The following OTOF variants were observed in gnomAD, a reference collection of about 807,000 sequenced individuals.
OTOF encodes otoferlin, also known as fer-1-like family member 2.
A neutral mutation model predicts 236.8 loss-of-function variants in OTOF; 218 were observed. The observed-to-expected ratio is 0.92, with a 90% CI of 0.82 to 1.03. OTOF has a LOEUF of 1.03. Among genes scored for constraint, OTOF ranks in the 50% least tolerant of loss-of-function variants. OTOF has a pLI of 0.00. For missense variants in OTOF, 2,590 were observed against 2,694.4 expected (o/e 0.96, Z 0.86); for synonymous variants, 1,041 against 1,072.5 (o/e 0.97, Z 0.57).
In OTOF at chr2:26,506,865, C is replaced by A. The variant is rs189581683; in HGVS notation, c.510-3020G>T. On this transcript the variant is annotated intron_variant, in intron 5 of 46. Coordinates refer to ENST00000272371, the MANE Select transcript of OTOF (RefSeq NM_194248.3). ...AATTAGCTGGGTGTGGTGGCACATG[C>A]CTGTAATCCCAGTTACTCGGGAGGC... Among the ~76,000 whole-genome samples, 83 of 152,262 alleles carry A rather than the reference C, an allele frequency of 5.5e-4. No homozygotes were observed. In the East Asian group the frequency reaches 0.014, roughly 25 times the overall value.
chr2:26,508,866 C>T (rs761858719), intron 5 of OTOF, among the ~76,000 whole-genome samples: 19 of 152,316 alleles, frequency 1.2e-4, no homozygotes, highest in Middle Eastern at 3.4e-3. Context: ...TCAATCTCTT[C>T]TTAGAAATCT....
rs746997040 is a variant in OTOF at position 26,502,422 on chromosome 2, T to C, written c.588A>G (p.Glu196=). The C allele has an allele frequency of 6.2e-7, 1 of 1,613,084 alleles. No individual in the cohort carries two copies. The highest frequency in any genetic ancestry group is 8.5e-7 in the Non-Finnish European group (1 of 1,179,762). ...SHKEEPQRPD[E]PAVLEMEDLD... is the part of the protein sequence containing the mutation. ...GGTCTTCCATCTCCAGCACCGCCGG[T>C]TCATCTGGGGAAGATGAAAGACTGG... Residue 196 remains glutamate, a synonymous_variant, in exon 7 of 47, where the codon GAA becomes GAG. Transcript: ENST00000272371.
At chr2:26,497,058 C>G (rs1168194853) in intron 8 of OTOF, among the ~76,000 whole-genome samples, 1 of 148,862 alleles carries the variant, frequency 6.7e-6, no homozygotes, top group African/African-American at 2.5e-5. Flanking sequence ...CTTTCCCCAG[C>G]TAGAATAAGC....
At chr2:26,498,417 C>T (rs1363497963) in intron 8 of OTOF, among the ~76,000 whole-genome samples, 1 of 152,154 alleles carries the variant, frequency 6.6e-6, no homozygotes, top group African/African-American at 2.4e-5. Context: ...CTGCTGCCTC[C>T]CACCCCTCCT....
At chr2:26,502,097 C>T (rs1159061112) in intron 7 of OTOF, among the ~76,000 whole-genome samples, 3 of 152,172 alleles carry the variant, frequency 2.0e-5, no homozygotes, top group Non-Finnish European at 4.4e-5. Context: ...GACCTGAGAA[C>T]AGGCCTGCAG....
Position 26,473,230 on chromosome 2 carries a change from AAGG to A in OTOF, c.3632_3634del (p.Ala1211_Phe1212delinsVal). The A allele has an allele frequency of 6.2e-7, 1 of 1,613,336 alleles. No homozygotes were observed. The highest frequency in any genetic ancestry group is 2.2e-5 in the East Asian group (1 of 44,880). Reference sequence around the variant, plus strand: ...GGAGCCCACCAGTGTGTAGCGACCGAAGGCCCGGCAGTCCACCACACGGATGTT... The same window carrying A: ...GGAGCCCACCAGTGTGTAGCGACCGACCCGGCAGTCCACCACACGGATGTT... On this transcript the variant is annotated inframe_deletion, in exon 29 of 47. Transcript: ENST00000272371. This position sits in a 1 kb window ranked among gnomAD's most constrained non-coding sequence, Gnocchi z 7.2.
At chr2:26,508,622 G>A (rs1416209343) in intron 5 of OTOF, among the ~76,000 whole-genome samples, 1 of 152,180 alleles carries the variant, frequency 6.6e-6, no homozygotes, top group Non-Finnish European at 1.5e-5. Context: ...GGAAGATGAT[G>A]GGTGTTTTCT....
At chr2:26,555,276 G>A (rs959895247) in intron 1 of OTOF, among the ~76,000 whole-genome samples, 2 of 152,192 alleles carry the variant, frequency 1.3e-5, no homozygotes, top group African/African-American at 2.4e-5. Flanking sequence ...TCTCCATTTT[G>A]TTAATGAGAA....
intron 24 of OTOF, 47 bp from the exon 25 acceptor site, chr2:26,475,540 G>C (rs772564767): frequency 5.6e-6 from 9 of 1,601,718 alleles, no homozygotes; most frequent in Non-Finnish European, 6.8e-6. Flanking sequence ...AGAGGGGGGG[G>C]CAGATGCACA....
Position 26,482,190 on chromosome 2 carries a change from A to G in OTOF, c.1579+216T>C, listed in dbSNP as rs541935814. Reference sequence around the variant, plus strand: ...AGGTCACACAACTACTAGCTGACAAATCCAGTCAGCTGGGCTCAGGCCAGC... The same window carrying G: ...AGGTCACACAACTACTAGCTGACAAGTCCAGTCAGCTGGGCTCAGGCCAGC... On this transcript the variant is annotated intron_variant, in intron 14 of 46. Transcript: ENST00000272371. Among the ~76,000 whole-genome samples, 12 of 152,292 alleles carry G rather than the reference A, an allele frequency of 7.9e-5. No homozygotes were observed. The South Asian group carries it at 2.5e-3, about 32-fold the overall frequency.
Position 26,465,730 on chromosome 2 carries a change from C to G in OTOF, c.4741G>C (p.Glu1581Gln), listed in dbSNP as rs770193952. The G allele has an allele frequency of 6.2e-7, 1 of 1,614,264 alleles. No homozygotes were observed. Among genetic ancestry groups the G allele is most frequent in the South Asian group, 1.1e-5 (1 of 91,090 alleles). ...DLIGETKIDL[E>Q]NRFYSKHRAT... ...CGGTGCTTGCTGTAGAAGCGGTTCT[C>G]CAGGTCGATCTTGGTTTCCCCAATG... Residue 1581 changes from glutamate to glutamine, a missense_variant, in exon 38 of 47, where the codon GAG (glutamate) becomes CAG (glutamine). Glu to Gln is a conservative substitution (Grantham distance 29). Coordinates refer to ENST00000272371, the MANE Select transcript of OTOF (RefSeq NM_194248.3).
chr2:26,549,176 T>C (rs757149101), intron 1 of OTOF, among the ~76,000 whole-genome samples: 9 of 152,220 alleles, frequency 5.9e-5, no homozygotes, highest in Non-Finnish European at 1.3e-4. Flanking sequence ...TTCCAAATAT[T>C]TGGAACTTTC....
intron 30 of OTOF, among the ~76,000 whole-genome samples, chr2:26,472,127 C>T (rs574304743): frequency 1.1e-4 from 17 of 151,888 alleles, no homozygotes; most frequent in African/African-American, 3.4e-4. Flanking sequence ...ACCACACGCA[C>T]GCACGTGCAT....
Position 26,477,079 on chromosome 2 carries a change from G to A in OTOF, c.2524-36C>T, listed in dbSNP as rs762889902. ...GGGGGTGGCCAGGGGCAGTGGGTAAGGGGGTCTAGCCTCCTGATTGAGCCC... is the reference window on the plus strand; with the variant it reads ...GGGGGTGGCCAGGGGCAGTGGGTAAAGGGGTCTAGCCTCCTGATTGAGCCC... On this transcript the variant is annotated intron_variant, in intron 21 of 46. Coordinates refer to ENST00000272371, the MANE Select transcript of OTOF (RefSeq NM_194248.3). This position sits in a 1 kb window ranked among gnomAD's most constrained non-coding sequence, Gnocchi z 4.7. The A allele has an allele frequency of 6.6e-7, 1 of 1,524,562 alleles. No individual in the cohort carries two copies. Among genetic ancestry groups the A allele is most frequent in the South Asian group, 1.2e-5 (1 of 85,128 alleles). 94.4% of individuals were successfully genotyped at this position (1,524,562 alleles called of 1,614,324 possible). A position where few individuals can be genotyped will look rare whatever the true frequency, so the allele number is the denominator to read the frequency against.
chr2:26,531,798 AT>A (rs780447688), intron 2 of OTOF, among the ~76,000 whole-genome samples: 4 of 152,046 alleles, frequency 2.6e-5, no homozygotes, highest in African/African-American at 4.8e-5. Flanking sequence ...GAGCTATTAG[AT>A]TGAAGGAAAG....
rs1664918716 is a variant in OTOF at position 26,470,424 on chromosome 2, T to C, written c.4023+169A>G. Among the ~76,000 whole-genome samples, 1 of 151,936 alleles carries C rather than the reference T, an allele frequency of 6.6e-6. No homozygotes were observed. The highest frequency in any genetic ancestry group is 2.1e-4 in the South Asian group (1 of 4,806). On this transcript the variant is annotated intron_variant, in intron 32 of 46. Transcript: ENST00000272371. The surrounding 1 kb of genome is among the most constrained non-coding windows in gnomAD (Gnocchi z 4.3). ...GCAGGGAAGGTAGATGGGACCATCA[T>C]CTTGGAAGGTGAGTTCTGAGCTAGG...
intron 2 of OTOF, among the ~76,000 whole-genome samples, chr2:26,530,087 G>A (rs1170246148): frequency 2.6e-5 from 4 of 152,090 alleles, no homozygotes; most frequent in East Asian, 3.9e-4. Context: ...AGGAGCCACC[G>A]AGATTTGGTT....
intron 1 of OTOF, among the ~76,000 whole-genome samples, chr2:26,557,548 C>T (rs1667623835): frequency 6.6e-6 from 1 of 152,162 alleles, no homozygotes; most frequent in Non-Finnish European, 1.5e-5. Flanking sequence ...CGCTCCTGCA[C>T]CCTCTCTGAG....
intron 5 of OTOF, among the ~76,000 whole-genome samples, chr2:26,510,353 C>T (rs1666352111): frequency 6.6e-6 from 1 of 152,178 alleles, no homozygotes; most frequent in African/African-American, 2.4e-5. Flanking sequence ...CCCCTCTCCC[C>T]TTAGCCTTTA....
Sources: allele counts gnomAD v4.1 joint callset (sites outside exome capture counted in the v4.1 genomes callset), GRCh38; gene constraint gnomAD v4.1.1; non-coding constraint Gnocchi (gnomAD v3.1); transcripts MANE v1.5; gene names NCBI Gene and HGNC (gene_info 2026-07-23, HGNC 2026-07-21).